The following PCDH15 variants were observed in gnomAD, a reference collection of about 807,000 sequenced individuals.
PCDH15 encodes the protein protocadherin related 15, also known as protocadherin-15.
In PCDH15, 129 loss-of-function variants were observed where a neutral mutation model predicts 178.5. The observed-to-expected ratio is 0.72, with a 90% confidence interval of 0.63 to 0.84. PCDH15 has a LOEUF of 0.84. Among genes scored for constraint, PCDH15 ranks in the 40% least tolerant of loss-of-function variants. The pLI, the probability that PCDH15 is intolerant of heterozygous loss-of-function variation, is 0.00. For synonymous variants in PCDH15, 800 were observed against 732.0 expected (o/e 1.09, Z -1.50); for missense variants, 2,230 against 2,099.9 (o/e 1.06, Z -1.21).
chr10:54,538,032 A>G (rs2084774236), intron 2 of PCDH15, among the ~76,000 whole-genome samples: 1 of 152,138 alleles, frequency 6.6e-6, no homozygotes, highest in South Asian at 2.1e-4. Context: ...GCGGGTGCAT[A>G]GTTTGAAAAT....
At chr10:54,205,589 A>C (rs1351878328) in intron 10 of PCDH15, among the ~76,000 whole-genome samples, 1 of 151,732 alleles carries the variant, frequency 6.6e-6, no homozygotes, top group African/African-American at 2.4e-5. Flanking sequence ...TCAACTGACT[A>C]AAAATTATTA....
chr10:53,913,978 GA>G (rs199734628), intron 25 of PCDH15, among the ~76,000 whole-genome samples: 6,771 of 152,172 alleles, frequency 0.044, 219 homozygotes, highest in African/African-American at 0.084. Context: ...CTTTTCAAAA[GA>G]AGACATTTAT....
chr10:54,855,404 C>A (rs1426224128), intron 3 of PCDH15, among the ~76,000 whole-genome samples: 2 of 152,148 alleles, frequency 1.3e-5, no homozygotes, highest in African/African-American at 4.8e-5. Context: ...GAGCTCCCAT[C>A]CCAACTCAGA....
intron 2 of PCDH15, among the ~76,000 whole-genome samples, chr10:54,982,757 C>T (rs1399423233): frequency 6.6e-6 from 1 of 152,114 alleles, no homozygotes; most frequent in Non-Finnish European, 1.5e-5. Flanking sequence ...ATAAGTTTTG[C>T]ATTGCTTCTT....
intron 3 of PCDH15, among the ~76,000 whole-genome samples, chr10:54,445,071 T>C (rs1469999128): frequency 1.3e-5 from 2 of 151,218 alleles, no homozygotes; most frequent in Non-Finnish European, 3.0e-5. Context: ...CTACTGCTTG[T>C]CCTGGGTTCC....
At chr10:54,076,812 A>G (rs1008150802) in intron 17 of PCDH15, among the ~76,000 whole-genome samples, 1 of 152,092 alleles carries the variant, frequency 6.6e-6, no homozygotes, top group Non-Finnish European at 1.5e-5. Flanking sequence ...GAAAACGTGT[A>G]TTCTCATGAT....
chr10:54,263,316 C>T (rs2891510), intron 8 of PCDH15, among the ~76,000 whole-genome samples: 103,923 of 151,976 alleles, frequency 0.68, 36,527 homozygotes, highest in Middle Eastern at 0.76. Flanking sequence ...GTGGCCATGG[C>T]ATCAGCCACT....
At chr10:53,985,306 T>C (rs1043009168) in intron 21 of PCDH15, among the ~76,000 whole-genome samples, 8 of 152,312 alleles carry the variant, frequency 5.3e-5, no homozygotes, top group Admixed American at 3.3e-4. Flanking sequence ...GTTAATCAAA[T>C]CCTGCTGCAC....
intron 2 of PCDH15, chr10:55,506,090 A>G (rs1441794923): frequency 1.3e-5 from 2 of 151,436 alleles, no homozygotes; most frequent in Non-Finnish European, 3.0e-5. Context: ...GAATGATGAC[A>G]CTGACATCAG....
chr10:55,173,406 T>C (rs1342249387), intron 1 of PCDH15, among the ~76,000 whole-genome samples: 1 of 151,652 alleles, frequency 6.6e-6, no homozygotes, highest in Admixed American at 6.6e-5. Context: ...TTCTTTAAGA[T>C]ATGTAAAAAT....
chr10:54,708,718 T>TCTGATG (rs1412855574), intron 1 of PCDH15, among the ~76,000 whole-genome samples: 1 of 152,092 alleles, frequency 6.6e-6, no homozygotes, highest in Non-Finnish European at 1.5e-5. Context: ...ATTTCAAATA[T>TCTGATG]CTGACTCCTA....
At chr10:54,882,922 T>C (rs999299355) in intron 3 of PCDH15, among the ~76,000 whole-genome samples, 8 of 151,978 alleles carry the variant, frequency 5.3e-5, no homozygotes, top group African/African-American at 1.7e-4. Context: ...GATTATGAGG[T>C]TGAGAGCATT....
intron 3 of PCDH15, among the ~76,000 whole-genome samples, chr10:54,517,677 C>A (rs1421375733): frequency 1.3e-5 from 2 of 151,960 alleles, no homozygotes; most frequent in South Asian, 2.1e-4. Context: ...ACAAGGATAC[C>A]CAGGAATTGA....
At chr10:55,487,091 T>C (rs544503490) in intron 2 of PCDH15, among the ~76,000 whole-genome samples, 38 of 151,796 alleles carry the variant, frequency 2.5e-4, no homozygotes, top group South Asian at 2.1e-3. Context: ...AAAGACATCC[T>C]GCTTACTGTC....
intron 9 of PCDH15, among the ~76,000 whole-genome samples, chr10:54,216,130 T>C (rs2052034200): frequency 6.7e-6 from 1 of 149,044 alleles, no homozygotes; most frequent in African/African-American, 2.5e-5. Flanking sequence ...GTTTATAAAT[T>C]AGCTAAAAAT....
At chr10:55,299,248 A>C (rs996387922) in intron 1 of PCDH15, among the ~76,000 whole-genome samples, 4 of 152,168 alleles carry the variant, frequency 2.6e-5, no homozygotes, top group African/African-American at 9.7e-5. Context: ...TAGAAATAAG[A>C]TGTAACCCAT....
intron 2 of PCDH15, among the ~76,000 whole-genome samples, chr10:55,137,947 A>G (rs1244331151): frequency 1.3e-5 from 2 of 152,120 alleles, no homozygotes; most frequent in Admixed American, 6.6e-5. Context: ...ACCCACACGT[A>G]TTATGCTTTA....
intron 2 of PCDH15, among the ~76,000 whole-genome samples, chr10:55,020,962 C>T (rs543406187): frequency 1.3e-5 from 2 of 152,252 alleles, no homozygotes; most frequent in Non-Finnish European, 2.9e-5. Flanking sequence ...CAGGCAAAGG[C>T]ATAAATGACT....
intron 2 of PCDH15, among the ~76,000 whole-genome samples, chr10:55,383,455 G>A (rs535103373): frequency 2.2e-4 from 34 of 152,068 alleles, no homozygotes; most frequent in Admixed American, 5.2e-4. Flanking sequence ...TCTCATTTTC[G>A]GGCCACAATT....
Sources: gnomAD v4.1 joint callset for allele counts (sites outside exome capture counted in the v4.1 genomes callset) on GRCh38, gnomAD v4.1.1 for gene constraint, MANE v1.5 for transcripts, NCBI Gene and HGNC (gene_info 2026-07-23, HGNC 2026-07-21) for gene names.